Variants in HCRTR2 observed in about 807,000 individuals in gnomAD.
HCRTR2 encodes orexin receptor type 2.
Under a neutral mutation model 49.0 loss-of-function variants are expected in HCRTR2, and 22 were observed. The ratio of observed to expected loss-of-function variants is 0.45; its 90% CI spans 0.32 to 0.64. The LOEUF (loss-of-function observed/expected upper bound fraction) is 0.64. HCRTR2 is among the 30% of genes least tolerant of loss of function. HCRTR2 has a pLI of 0.04. For synonymous variants in HCRTR2, 236 were observed against 205.3 expected (o/e 1.15, Z -1.28); for missense variants, 491 against 559.4 (o/e 0.88, Z 1.23).
intron 1 of HCRTR2, 83 bp downstream of exon 1, chr6:55,174,893 C>A: frequency 9.5e-7 from 1 of 1,057,988 alleles, no homozygotes; most frequent in Non-Finnish European, 1.5e-6. Flanking sequence ...GAGACCCCTC[C>A]CTCCCCCGGG....
chr6:55,257,896 A>G (rs1766683019), intron 3 of HCRTR2, among the ~76,000 whole-genome samples: 1 of 151,996 alleles, frequency 6.6e-6, no homozygotes, highest in Non-Finnish European at 1.5e-5. Flanking sequence ...CCAACTTAGT[A>G]AAAGCTATAC....
chr6:55,131,608 A>G (rs1764355627), intron 1 of HCRTR2, among the ~76,000 whole-genome samples: 2 of 151,800 alleles, frequency 1.3e-5, no homozygotes, highest in South Asian at 4.1e-4. Context: ...CATTTCGACA[A>G]GCAAAAAAAG....
chr6:55,197,328 G>C (rs1297632519), intron 1 of HCRTR2, among the ~76,000 whole-genome samples: 1 of 151,976 alleles, frequency 6.6e-6, no homozygotes, highest in Non-Finnish European at 1.5e-5. Flanking sequence ...AAATCCATCT[G>C]AAACCCTCAT....
chr6:55,162,823 C>T (rs1354249888), intron 1 of HCRTR2, among the ~76,000 whole-genome samples: 5 of 152,114 alleles, frequency 3.3e-5, no homozygotes, highest in Non-Finnish European at 5.9e-5. Context: ...AAAGAGGATA[C>T]AAACAAATGC....
At chr6:55,280,961 A>G (rs1374634730) in intron 6 of HCRTR2, among the ~76,000 whole-genome samples, 1 of 152,208 alleles carries the variant, frequency 6.6e-6, no homozygotes, top group Non-Finnish European at 1.5e-5. Flanking sequence ...TAAATGATAC[A>G]CACATACATA....
chr6:55,127,975 T>G (rs1328473561), intron 1 of HCRTR2, among the ~76,000 whole-genome samples: 2 of 152,238 alleles, frequency 1.3e-5, no homozygotes, highest in African/African-American at 4.8e-5. Context: ...GTTTTTGGCA[T>G]CTTTGTCATG....
intron 1 of HCRTR2, among the ~76,000 whole-genome samples, chr6:55,220,268 C>T (rs1765867157): frequency 6.6e-6 from 1 of 152,152 alleles, no homozygotes; most frequent in Admixed American, 6.5e-5. Flanking sequence ...AAACAAGCTA[C>T]AGGCCACTAT....
upstream of HCRTR2, among the ~76,000 whole-genome samples, chr6:55,171,166 C>T (rs1764944501): frequency 6.6e-6 from 1 of 152,132 alleles, no homozygotes; most frequent in African/African-American, 2.4e-5. Context: ...CACTCTCTTC[C>T]ACAATGATTG....
At chr6:55,213,613 T>G (rs909706520) in intron 1 of HCRTR2, among the ~76,000 whole-genome samples, 3 of 152,164 alleles carry the variant, frequency 2.0e-5, no homozygotes, top group Non-Finnish European at 4.4e-5. Context: ...GTACTCACTC[T>G]TCATGGTCAC....
At chr6:55,201,516 GA>G (rs562321371) in intron 1 of HCRTR2, among the ~76,000 whole-genome samples, 1 of 152,020 alleles carries the variant, frequency 6.6e-6, no homozygotes, top group Non-Finnish European at 1.5e-5. Context: ...TTTACAATGA[GA>G]AAAAACTAAG....
chr6:55,144,138 G>GTTTTTT (rs1764547284), intron 1 of HCRTR2, among the ~76,000 whole-genome samples: 1 of 114,822 alleles, frequency 8.7e-6, no homozygotes, highest in African/African-American at 3.7e-5. Flanking sequence ...TTTTGACGGA[G>GTTTTTT]TTTCGCTGTT....
intron 1 of HCRTR2, among the ~76,000 whole-genome samples, chr6:55,164,501 A>G (rs1339731836): frequency 1.3e-5 from 2 of 152,180 alleles, no homozygotes; most frequent in Non-Finnish European, 2.9e-5. Context: ...GGAAACCATC[A>G]TTCTCAGCAA....
chr6:55,170,773 C>T (rs984182644), upstream of HCRTR2, among the ~76,000 whole-genome samples: 3 of 136,740 alleles, frequency 2.2e-5, no homozygotes, highest in Admixed American at 1.6e-4. Flanking sequence ...TGATGTTCCC[C>T]TTCCTGTGTC....
chr6:55,234,260 A>G (rs1581845904), intron 1 of HCRTR2, among the ~76,000 whole-genome samples: 2 of 152,204 alleles, frequency 1.3e-5, no homozygotes, highest in South Asian at 2.1e-4. Context: ...TACACAATCA[A>G]TGTCAGTCAC....
At chr6:55,204,631 G>A (rs185328378) in intron 1 of HCRTR2, among the ~76,000 whole-genome samples, 1 of 152,270 alleles carries the variant, frequency 6.6e-6, no homozygotes, top group East Asian at 1.9e-4. Flanking sequence ...CAGCCAAGAG[G>A]TTTGGTGGAA....
intron 1 of HCRTR2, among the ~76,000 whole-genome samples, chr6:55,191,576 A>G (rs1175650387): frequency 6.6e-6 from 1 of 152,170 alleles, no homozygotes; most frequent in Non-Finnish European, 1.5e-5. Context: ...TAGTCCTAGT[A>G]TCTCTGATAT....
intron 1 of HCRTR2, among the ~76,000 whole-genome samples, chr6:55,197,334 CTCATCAGAACACAAAT>C (rs1231081405): frequency 1.3e-5 from 2 of 152,100 alleles, no homozygotes; most frequent in South Asian, 4.1e-4. Context: ...ATCTGAAACC[CTCATCAGAACACAAAT>C]TCCAATTCTA....
At chr6:55,128,616 T>A (rs1737186049) in intron 1 of HCRTR2, among the ~76,000 whole-genome samples, 1 of 152,234 alleles carries the variant, frequency 6.6e-6, no homozygotes, top group Admixed American at 6.5e-5. Context: ...GGCTTATAGT[T>A]CTTGTAGAGA....
intron 1 of HCRTR2, among the ~76,000 whole-genome samples, chr6:55,229,259 A>T (rs1231244604): frequency 6.6e-6 from 1 of 152,088 alleles, no homozygotes; most frequent in Non-Finnish European, 1.5e-5. Flanking sequence ...AAACTCCAAG[A>T]CTCAAGTGAT....
Sources: allele counts gnomAD v4.1 joint callset (sites outside exome capture counted in the v4.1 genomes callset), GRCh38; gene constraint gnomAD v4.1.1; transcripts MANE v1.5; gene names NCBI Gene and HGNC (gene_info 2026-07-23, HGNC 2026-07-21).